The following HERC2 variants were observed in gnomAD, a reference collection of about 807,000 sequenced individuals.
The protein encoded by HERC2 is HECT and RLD domain containing E3 ubiquitin protein ligase 2.
Under a neutral mutation model 537.7 loss-of-function variants are expected in HERC2, and 102 were observed. The ratio of observed to expected loss-of-function variants is 0.19; its 90% CI spans 0.16 to 0.22. The LOEUF (loss-of-function observed/expected upper bound fraction) is 0.22. Ranked by LOEUF, HERC2 falls within the 10% of genes least tolerant of loss-of-function variation. The probability of loss-of-function intolerance (pLI) is 1.00; values close to 1 mark genes in which losing one functional copy is unlikely to be tolerated. For missense variants in HERC2, 4,236 were observed against 6,198.2 expected (o/e 0.68, Z 10.63); for synonymous variants, 2,224 against 2,466.2 (o/e 0.90, Z 2.91).
intron 4 of HERC2, among the ~76,000 whole-genome samples, chr15:28,282,464 A>C (rs1367102149): frequency 6.6e-6 from 1 of 152,246 alleles, no homozygotes; most frequent in Non-Finnish European, 1.5e-5. Flanking sequence ...AGAAAGCCTA[A>C]GACAAGAAAA....
At chr15:28,115,641 C>T in intron 88 of HERC2, 100 bp from the exon 89 acceptor site, 1 of 775,562 alleles carries the variant, frequency 1.3e-6, no homozygotes, top group Non-Finnish European at 2.2e-6. Flanking sequence ...ACACTCAGGA[C>T]TCAGAGCCTT....
At chr15:28,253,442 C>A (rs549955351) in intron 20 of HERC2, among the ~76,000 whole-genome samples, 1 of 152,194 alleles carries the variant, frequency 6.6e-6, no homozygotes, top group African/African-American at 2.4e-5. Context: ...TAGTAAGAAT[C>A]TTTTTACATG....
chr15:28,151,811 A>C (rs2142337301), intron 70 of HERC2, among the ~76,000 whole-genome samples: 1 of 152,316 alleles, frequency 6.6e-6, no homozygotes, highest in Non-Finnish European at 1.5e-5. Context: ...ATAGGAAACC[A>C]ATTCATTCTC....
chr15:28,222,597 C>T (rs1200887759), intron 35 of HERC2, among the ~76,000 whole-genome samples: 1 of 152,094 alleles, frequency 6.6e-6, no homozygotes, highest in Non-Finnish European at 1.5e-5. Context: ...AAACTTTAAT[C>T]ATGGTTCTGT....
chr15:28,314,535 A>G (rs1455255903), intron 2 of HERC2, among the ~76,000 whole-genome samples: 1 of 151,520 alleles, frequency 6.6e-6, no homozygotes, highest in Non-Finnish European at 1.5e-5. Context: ...GTGATTTTAT[A>G]TTTTTCAATG....
chr15:28,270,067 T>G (rs1488593803), intron 10 of HERC2, among the ~76,000 whole-genome samples: 1 of 152,176 alleles, frequency 6.6e-6, no homozygotes. Flanking sequence ...GTTCAAGTGA[T>G]TCTCCTGCCT....
At chr15:28,135,769 T>A (rs186871869) in intron 78 of HERC2, 77 bp from the exon 79 acceptor site, 1 of 1,065,382 alleles carries the variant, frequency 9.4e-7, no homozygotes, top group Non-Finnish European at 1.4e-6. Context: ...ATAAACCTAA[T>A]CCATGCTTTA....
chr15:28,251,135 A>C (rs2075062917), intron 20 of HERC2, among the ~76,000 whole-genome samples: 1 of 152,126 alleles, frequency 6.6e-6, no homozygotes, highest in Admixed American at 6.5e-5. Context: ...GCAATTCAAA[A>C]TGTTCTTGGT....
chr15:28,262,576 C>T (rs954718174), intron 15 of HERC2, among the ~76,000 whole-genome samples: 2 of 152,198 alleles, frequency 1.3e-5, no homozygotes, highest in South Asian at 4.1e-4. Flanking sequence ...TCTCAGTGTG[C>T]CTGCAGTACA....
Position 28,124,033 on chromosome 15 carries a change from A to G in HERC2, c.13188+4T>C. ...CCCTAGAGCAAAGATTGCCACTTGA[A>G]TACCTTTCCCTGGGATATCAGAATT... is the stretch of plus-strand genomic sequence containing the variant. On this transcript the variant is annotated splice_donor_region_variant and intron_variant, in intron 85 of 92. Coordinates refer to ENST00000261609, the MANE Select transcript of HERC2 (RefSeq NM_004667.6). 1 of 1,574,886 alleles carries G rather than the reference A, an allele frequency of 6.3e-7. No individual in the cohort carries two copies. The highest frequency in any genetic ancestry group is 1.2e-5 in the South Asian group (1 of 85,406).
chr15:28,297,227 G>A (rs1312113524), intron 3 of HERC2, among the ~76,000 whole-genome samples: 3 of 152,046 alleles, frequency 2.0e-5, no homozygotes, highest in Middle Eastern at 3.4e-3. Flanking sequence ...CTAGGAAATC[G>A]CCACTGTTCA....
chr15:28,256,357 A>G, intron 17 of HERC2, 40 bp from the exon 18 acceptor site: 1 of 1,331,232 alleles, frequency 7.5e-7, no homozygotes. Flanking sequence ...AACCCCTAAA[A>G]ATGAGTGAAT....
intron 56 of HERC2, among the ~76,000 whole-genome samples, chr15:28,186,064 T>C (rs900842087): frequency 6.6e-6 from 1 of 152,188 alleles, no homozygotes; most frequent in African/African-American, 2.4e-5. Context: ...AGACTAATCA[T>C]ATGGAAATTC....
At position 28,238,636 on chromosome 15, in the gene HERC2, G is replaced by A; in HGVS notation, c.3714C>T (p.Phe1238=). The A allele has an allele frequency of 1.9e-6, 3 of 1,611,548 alleles. No homozygotes were observed. The highest frequency in any genetic ancestry group is 2.2e-5 in the South Asian group (2 of 90,974). ...IDGKVYDIKD[F]QTQSLTGNSI... is the part of the protein sequence containing the mutation. The stretch of plus-strand genomic sequence containing the variant: ...TATTTCCTGTTAACGACTGTGTCTG[G>A]AAGTCCTTTATATCATACACCTTCC... Residue 1238 remains phenylalanine (F), a synonymous_variant, in exon 24 of 93, where the codon TTC becomes TTT. Transcript: ENST00000261609.
intron 75 of HERC2, among the ~76,000 whole-genome samples, chr15:28,142,609 G>C (rs1314600746): frequency 2.6e-5 from 4 of 152,156 alleles, no homozygotes; most frequent in Non-Finnish European, 5.9e-5. Context: ...CAAGTGACAA[G>C]AACACCTGTG....
chr15:28,274,510 A>C, intron 6 of HERC2, 63 bp from the exon 7 acceptor site: 2 of 1,504,210 alleles, frequency 1.3e-6, no homozygotes, highest in Admixed American at 2.1e-5. Flanking sequence ...TGGGCTTCCC[A>C]CCCCTCAGCG....
Position 28,213,842 on chromosome 15 carries a change from C to G in HERC2, c.6686G>C (p.Gly2229Ala), listed in dbSNP as rs756711287. The change falls in exon 42 of 93, where the codon GGA (glycine) becomes GCA (alanine). Residue 2229 changes from glycine (G) to alanine (A), a missense_variant. This residue lies in a region of HERC2 where 365 missense variants were observed against 468.8 expected (regional missense o/e 0.78). Transcript: ENST00000261609. ...GGTGATGCGAGTCACAGTGCCTTCT[C>G]CAAACTCATCGTGCATAACTTGACC... The part of the protein sequence containing the change: ...LGGQVMHDEF[G>A]EGTVTRITPK... The G allele has an allele frequency of 2.5e-6, 4 of 1,613,906 alleles. No homozygotes were observed. The African/African-American group carries it at 5.3e-5, about 22-fold the overall frequency.
chr15:28,285,215 A>G (rs2076125192), intron 4 of HERC2, among the ~76,000 whole-genome samples: 1 of 152,204 alleles, frequency 6.6e-6, no homozygotes, highest in African/African-American at 2.4e-5. Flanking sequence ...AATTTACAGA[A>G]CACTCCAGCC....
chr15:28,151,446 A>G (rs879936507), intron 70 of HERC2, among the ~76,000 whole-genome samples: 2 of 152,148 alleles, frequency 1.3e-5, no homozygotes, highest in African/African-American at 2.4e-5. Context: ...TCCAGCCTGG[A>G]TGACAGAGCA....
Sources: allele counts gnomAD v4.1 joint callset (sites outside exome capture counted in the v4.1 genomes callset), GRCh38; gene constraint gnomAD v4.1.1; regional missense constraint gnomAD v4.1.1; transcripts MANE v1.5; gene names NCBI Gene and HGNC (gene_info 2026-07-23, HGNC 2026-07-21).